Variants in CACNA1C observed in about 807,000 individuals in gnomAD.
CACNA1C encodes the protein voltage-dependent L-type calcium channel subunit alpha-1C.
CACNA1C carries 30 observed loss-of-function variants against 229.0 expected under a neutral mutation model. The observed-to-expected ratio is 0.13, with a 90% confidence interval of 0.10 to 0.18. The LOEUF is 0.18. Ranked by LOEUF, CACNA1C falls within the 10% of genes least tolerant of loss-of-function variation. CACNA1C has a pLI of 1.00. For missense variants in CACNA1C, 1,658 were observed against 2,845.0 expected (o/e 0.58, Z 9.49); for synonymous variants, 1,114 against 1,132.5 (o/e 0.98, Z 0.33).
chr12:2,004,508 C>T, intron 1 of CACNA1C: 1 of 1,517,630 alleles, frequency 6.6e-7, no homozygotes, highest in South Asian at 1.3e-5. Context: ...CGAGCTGCCT[C>T]GCAACCGAGA....
intron 3 of CACNA1C, among the ~76,000 whole-genome samples, chr12:2,239,804 C>T (rs971617535): frequency 5.9e-5 from 9 of 152,288 alleles, no homozygotes; most frequent in African/African-American, 2.2e-4. Flanking sequence ...CCCCGGGCTG[C>T]AGCCAGCGAG....
chr12:2,513,220 G>T (rs2239099), intron 9 of CACNA1C, among the ~76,000 whole-genome samples: 2 of 151,960 alleles, frequency 1.3e-5, no homozygotes, highest in East Asian at 3.9e-4. Flanking sequence ...ATTTCACCTT[G>T]AAAGACTGTT....
intron 3 of CACNA1C, among the ~76,000 whole-genome samples, chr12:2,245,349 C>T (rs986486786): frequency 2.0e-5 from 3 of 152,122 alleles, no homozygotes; most frequent in Non-Finnish European, 2.9e-5. Flanking sequence ...CTTAGCCACC[C>T]GGGTTTAAAT....
In CACNA1C at chr12:2,195,171, A is replaced by G. The variant is rs2097363186; in HGVS notation, c.477+74741A>G. Among the ~76,000 whole-genome samples, 3 of 152,244 alleles carry G rather than the reference A, an allele frequency of 2.0e-5. 1 individual carries two copies. The South Asian group carries it at 6.2e-4, about 32-fold the overall frequency. On this transcript the variant is annotated intron_variant, in intron 3 of 46. Transcript: ENST00000399655. Reference sequence around the variant, plus strand: ...CTGGCACCTTGCTAAGTGCCTGCACACATTGTCAGTTGGTCCAGGCGGTAA... The same window carrying G: ...CTGGCACCTTGCTAAGTGCCTGCACGCATTGTCAGTTGGTCCAGGCGGTAA...
chr12:2,073,807 C>A (rs2283273), intron 1 of CACNA1C, among the ~76,000 whole-genome samples: 4 of 152,138 alleles, frequency 2.6e-5, no homozygotes, highest in Admixed American at 6.5e-5. Context: ...TGATTTTGCC[C>A]AGCCTATGAC....
chr12:1,983,803 T>G (rs1004904549), intron 1 of CACNA1C, among the ~76,000 whole-genome samples: 36 of 151,904 alleles, frequency 2.4e-4, no homozygotes, highest in African/African-American at 8.7e-4. Context: ...CTATTGATTG[T>G]AGAAAGTGGA....
At chr12:2,636,089 C>G (rs954084132) in intron 30 of CACNA1C, among the ~76,000 whole-genome samples, 1 of 152,244 alleles carries the variant, frequency 6.6e-6, no homozygotes, top group African/African-American at 2.4e-5. Context: ...CAGTGCTCAG[C>G]CGTGGGAGAC....
intron 3 of CACNA1C, among the ~76,000 whole-genome samples, chr12:2,197,485 G>A (rs2097444251): frequency 6.6e-6 from 1 of 152,110 alleles, no homozygotes; most frequent in Non-Finnish European, 1.5e-5. Flanking sequence ...GTGATATAAT[G>A]TCACTTATTA....
At chr12:2,104,623 G>A (rs2077521573) in intron 1 of CACNA1C, among the ~76,000 whole-genome samples, 1 of 152,198 alleles carries the variant, frequency 6.6e-6, no homozygotes, top group African/African-American at 2.4e-5. Flanking sequence ...TAGGAGTGGT[G>A]AGAGAGGGCA....
chr12:2,507,930 A>G (rs1476384144), intron 8 of CACNA1C, among the ~76,000 whole-genome samples: 1 of 152,234 alleles, frequency 6.6e-6, no homozygotes, highest in Non-Finnish European at 1.5e-5. Flanking sequence ...GGAAGAGCAG[A>G]AGCTGCAGTA....
At chr12:2,081,494 C>G (rs148735917) in intron 1 of CACNA1C, among the ~76,000 whole-genome samples, 2,504 of 152,166 alleles carry the variant, frequency 0.016, 61 homozygotes, top group African/African-American at 0.056. Context: ...TGGCGTGAAC[C>G]CGGGAGGTGG....
intron 13 of CACNA1C, among the ~76,000 whole-genome samples, chr12:2,577,111 G>T (rs998161231): frequency 5.9e-5 from 9 of 152,110 alleles, no homozygotes; most frequent in African/African-American, 2.2e-4. Context: ...GGCCTGCCTC[G>T]GGCCCAACCC....
intron 3 of CACNA1C, among the ~76,000 whole-genome samples, chr12:2,211,673 A>AT (rs2097919124): frequency 7.0e-6 from 1 of 142,400 alleles, no homozygotes; most frequent in African/African-American, 2.6e-5. Context: ...ATTCCCAGTC[A>AT]TTTGGCTCCT....
chr12:2,451,736 C>T (rs2099376845), intron 4 of CACNA1C, among the ~76,000 whole-genome samples: 1 of 152,202 alleles, frequency 6.6e-6, no homozygotes, highest in Non-Finnish European at 1.5e-5. Context: ...CTGGGGTCAG[C>T]CCAGATTCCA....
intron 3 of CACNA1C, among the ~76,000 whole-genome samples, chr12:2,302,963 G>C (rs566956394): frequency 1.3e-5 from 2 of 152,306 alleles, no homozygotes; most frequent in African/African-American, 2.4e-5. Context: ...GGCCCCGGGA[G>C]GGGGGCCTGG....
intron 43 of CACNA1C, among the ~76,000 whole-genome samples, chr12:2,684,833 C>T (rs1053300755): frequency 6.6e-6 from 1 of 152,168 alleles, no homozygotes; most frequent in Non-Finnish European, 1.5e-5. Context: ...CTGCGGTCTG[C>T]ACTCTACCAG....
chr12:2,300,066 T>C (rs1050053209), intron 3 of CACNA1C, among the ~76,000 whole-genome samples: 3 of 152,226 alleles, frequency 2.0e-5, no homozygotes, highest in Non-Finnish European at 4.4e-5. Flanking sequence ...AGTAAAAAAT[T>C]CTGGCTGTGA....
At position 2,691,140 on chromosome 12, in the gene CACNA1C, C is replaced by T. The variant is rs2153892348; in HGVS notation, c.6358C>T (p.Arg2120Trp). 1.2e-6 allele frequency: 2 copies of T among 1,605,962 alleles called. No individual in the cohort carries two copies. The highest frequency in any genetic ancestry group is 1.7e-6 in the Non-Finnish European group (2 of 1,174,238). Residue 2120 changes from arginine to tryptophan, a missense_variant, in exon 47 of 47, where the codon CGG becomes TGG. Transcript: ENST00000399655. The stretch of plus-strand genomic sequence containing the variant: ...AGAGGACGCGGGCTGTGTGCGCGCG[C>T]GGGGTCGACCGAGTGAGGAGGAGCT... ...GEEDAGCVRA[R>W]GRPSEEELQD... is the part of the protein sequence containing the mutation.
At chr12:2,468,781 G>A (rs1657480867) in intron 5 of CACNA1C, among the ~76,000 whole-genome samples, 1 of 152,246 alleles carries the variant, frequency 6.6e-6, no homozygotes, top group Non-Finnish European at 1.5e-5. Context: ...CCGGTGAGGA[G>A]ACCAGGGATC....
Sources: allele counts gnomAD v4.1 joint callset (sites outside exome capture counted in the v4.1 genomes callset), GRCh38; gene constraint gnomAD v4.1.1; transcripts MANE v1.5; gene names NCBI Gene and HGNC (gene_info 2026-07-23, HGNC 2026-07-21).